The following REPS2 variants were observed in gnomAD, a reference collection of about 807,000 sequenced individuals.
REPS2 encodes the protein RALBP1 associated Eps domain containing 2.
In REPS2, 23 loss-of-function variants were observed where a neutral mutation model predicts 53.6. The observed-to-expected ratio is 0.43, with a 90% CI of 0.31 to 0.61. The LOEUF is 0.61. REPS2 is among the 20% of genes least tolerant of loss of function. The pLI, the probability that REPS2 is intolerant of heterozygous loss-of-function variation, is 0.11. For missense variants in REPS2, 446 were observed against 534.9 expected (o/e 0.83, Z 1.64); for synonymous variants, 238 against 218.6 (o/e 1.09, Z -0.78).
At chrX:17,135,587 T>C (rs889798824) in intron 16 of REPS2, 181 bp downstream of exon 16, 1 of 518,177 alleles carries the variant, frequency 1.9e-6, no homozygotes. Flanking sequence ...TTATAAGCTA[T>C]AGGACTTAAC....
intron 12 of REPS2, among the ~76,000 whole-genome samples, chrX:17,075,489 A>G (rs12862977): frequency 8.9e-6 from 1 of 112,269 alleles, no homozygotes; most frequent in Admixed American, 9.4e-5. Flanking sequence ...TCTCACTGGG[A>G]AGAAGAGAAT....
At chrX:17,076,231 T>C (rs920951365) in intron 12 of REPS2, among the ~76,000 whole-genome samples, 11 of 112,270 alleles carry the variant, frequency 9.8e-5, no homozygotes, top group African/African-American at 3.6e-4. Context: ...TAAATGCCAC[T>C]CTAATAGCTA....
At chrX:17,123,237 G>C (rs1282907753) in intron 14 of REPS2, among the ~76,000 whole-genome samples, 1 of 111,570 alleles carries the variant, frequency 9.0e-6, no homozygotes, top group African/African-American at 3.3e-5. Context: ...CACCTTACCT[G>C]TGAGGCTCAT....
chrX:17,128,708 C>T (rs772893066), intron 14 of REPS2, among the ~76,000 whole-genome samples: 2 of 112,635 alleles, frequency 1.8e-5, no homozygotes, highest in African/African-American at 3.2e-5. Context: ...GAAGTCAGCT[C>T]AGCAGGGATC....
At chrX:17,066,763 C>T (rs1338126699) in intron 9 of REPS2, among the ~76,000 whole-genome samples, 1 of 111,944 alleles carries the variant, frequency 8.9e-6, no homozygotes, top group African/African-American at 3.3e-5. Flanking sequence ...GTCCCAGCTA[C>T]TCAGGAGGCT....
chrX:16,978,699 T>A (rs2060985966), intron 1 of REPS2: 3 of 268,454 alleles, frequency 1.1e-5, no homozygotes, highest in African/African-American at 8.9e-5. Context: ...AGAAGAATTA[T>A]AAAAAGATAA....
intron 5 of REPS2, among the ~76,000 whole-genome samples, chrX:17,032,752 G>A (rs1368542436): frequency 1.8e-5 from 2 of 112,138 alleles, no homozygotes; most frequent in African/African-American, 6.5e-5. Context: ...GAAGCCTTTA[G>A]GGACTCCCAG....
At chrX:17,001,290 A>G (rs1240552732) in intron 1 of REPS2, among the ~76,000 whole-genome samples, 1 of 112,670 alleles carries the variant, frequency 8.9e-6, no homozygotes, top group African/African-American at 3.2e-5. Context: ...CAGTCACCAC[A>G]TTAATCAAAT....
intron 14 of REPS2, among the ~76,000 whole-genome samples, chrX:17,107,473 A>G (rs969038335): frequency 7.1e-5 from 8 of 112,396 alleles, no homozygotes; most frequent in African/African-American, 2.6e-4. Context: ...TACATTTGCA[A>G]TATGCATACA....
intron 8 of REPS2, among the ~76,000 whole-genome samples, chrX:17,061,149 A>G (rs745615438): frequency 1.2e-4 from 13 of 112,422 alleles, no homozygotes; most frequent in Non-Finnish European, 2.1e-4. Flanking sequence ...AATCGGTGAA[A>G]TTCAGACCAG....
At chrX:17,158,840 C>T in the REPS2 span, among the ~76,000 whole-genome samples, 14 of 111,903 alleles carry the variant, frequency 1.3e-4, no homozygotes, top group African/African-American at 3.6e-4. Flanking sequence ...TGCCTGTTTG[C>T]GACCTCACCT....
chrX:17,058,378 G>T, intron 8 of REPS2, among the ~76,000 whole-genome samples: 1 of 107,462 alleles, frequency 9.3e-6, no homozygotes, highest in Admixed American at 1.0e-4. Flanking sequence ...ACTTGAACCT[G>T]GGAGGCAGAG....
intron 14 of REPS2, among the ~76,000 whole-genome samples, chrX:17,112,197 T>A (rs2062980864): frequency 9.0e-6 from 1 of 111,076 alleles, no homozygotes; most frequent in African/African-American, 3.3e-5. Context: ...TGAGCTCAAG[T>A]AATCCTCCCA....
intron 2 of REPS2, among the ~76,000 whole-genome samples, chrX:17,012,609 C>T (rs769202398): frequency 9.1e-6 from 1 of 110,108 alleles, no homozygotes; most frequent in East Asian, 2.9e-4. Flanking sequence ...CCTTTGGGAG[C>T]CTGTGAACTC....
chrX:17,127,864 G>T (rs1300479787), intron 14 of REPS2, among the ~76,000 whole-genome samples: 1 of 112,020 alleles, frequency 8.9e-6, no homozygotes, highest in African/African-American at 3.2e-5. Context: ...TTCCAGGGCT[G>T]CAGTCATCTG....
Position 16,952,491 on chromosome X carries a change from C to A in REPS2, c.273+5357C>A, listed in dbSNP as rs777933339. On this transcript the variant is annotated intron_variant, in intron 1 of 17. Coordinates refer to ENST00000357277, the MANE Select transcript of REPS2 (RefSeq NM_004726.3). The stretch of plus-strand genomic sequence containing the variant: ...GAAATCACTGAATGATTAAAAAAAA[C>A]CCAATAAGTGTTGTCTGATTGTTTA... 2.7e-3 allele frequency among the ~76,000 whole-genome samples: 300 copies of A among 111,762 alleles called. 1 individual carries two copies. The highest frequency in any genetic ancestry group is 4.1e-3 in the Non-Finnish European group (217 of 53,193).
chrX:16,947,139 G>A lies in REPS2; in HGVS notation c.273+5G>A, dbSNP rs2060446146. On this transcript the variant is annotated splice_donor_5th_base_variant and intron_variant, in intron 1 of 17. Transcript: ENST00000357277. ...CCCGCCGAGACGCTGCACCAGGTGG[G>A]TCCCTCCGCCTCCTGTCCCTGCGGG... The A allele has an allele frequency of 9.3e-7, 1 of 1,074,311 alleles. No homozygotes were observed. The highest frequency in any genetic ancestry group is 1.2e-6 in the Non-Finnish European group (1 of 831,939). 88.5% of individuals were successfully genotyped at this position (1,074,311 alleles called of 1,213,427 possible). A position where few individuals can be genotyped will look rare whatever the true frequency, so the allele number is the denominator to read the frequency against.
intron 13 of REPS2, among the ~76,000 whole-genome samples, chrX:17,081,156 C>T (rs2062450745): frequency 1.8e-5 from 2 of 111,708 alleles, no homozygotes; most frequent in South Asian, 7.5e-4. Context: ...AAAATGAAGC[C>T]CTTGTTTAAT....
rs184659205 is a variant in REPS2 at position 16,993,002 on chromosome X, A to G, written c.274-13219A>G. ...GCCAAAGCCAGGGAGCTGGTGTTAC[A>G]TGGCACCAGCTATATATACATGACT... On this transcript the variant is annotated intron_variant, in intron 1 of 17. Transcript: ENST00000357277. Among the ~76,000 whole-genome samples the G allele has an allele frequency of 7.7e-4, 86 of 112,191 alleles. 1 individual carries two copies. In the East Asian group the frequency reaches 0.019, roughly 24 times the overall value.
Sources: allele counts gnomAD v4.1 joint callset (sites outside exome capture counted in the v4.1 genomes callset), GRCh38; gene constraint gnomAD v4.1.1; transcripts MANE v1.5; gene names NCBI Gene and HGNC (gene_info 2026-07-23, HGNC 2026-07-21).